Variants in ENTREP2 observed in about 807,000 individuals in gnomAD.
ENTREP2 encodes protein ENTREP2.
the ENTREP2 span, among the ~76,000 whole-genome samples, chr15:29,252,654 T>C: frequency 6.6e-6 from 1 of 152,188 alleles, no homozygotes; most frequent in African/African-American, 2.4e-5. Flanking sequence ...TCCAAATTCA[T>C]ATGATCTGAA....
the ENTREP2 span, among the ~76,000 whole-genome samples, chr15:29,459,079 C>T: frequency 6.6e-6 from 1 of 152,128 alleles, no homozygotes; most frequent in Non-Finnish European, 1.5e-5. Context: ...TGTTCTGCAC[C>T]CACTGACTCT....
the ENTREP2 span, among the ~76,000 whole-genome samples, chr15:29,192,912 A>C: frequency 1.3e-5 from 2 of 152,000 alleles, no homozygotes; most frequent in Non-Finnish European, 2.9e-5. Flanking sequence ...TTCAACAGCC[A>C]TTCGTGGTAT....
the ENTREP2 span, among the ~76,000 whole-genome samples, chr15:29,393,022 CTATT>C: frequency 6.6e-6 from 1 of 152,176 alleles, no homozygotes; most frequent in African/African-American, 2.4e-5. Flanking sequence ...CCAAATGTAA[CTATT>C]TATTTCAAAT....
the ENTREP2 span, among the ~76,000 whole-genome samples, chr15:29,417,027 A>G: frequency 1.3e-5 from 2 of 152,212 alleles, no homozygotes; most frequent in Non-Finnish European, 2.9e-5. Flanking sequence ...AGAAATAGGA[A>G]CACTCTTTCA....
the ENTREP2 span, among the ~76,000 whole-genome samples, chr15:29,659,455 T>C: frequency 6.6e-6 from 1 of 152,036 alleles, no homozygotes; most frequent in African/African-American, 2.4e-5. Flanking sequence ...TAGGAGACAG[T>C]GCGAGACTCC....
chr15:29,268,800 T>G, the ENTREP2 span: 1 of 1,605,864 alleles, frequency 6.2e-7, no homozygotes, highest in South Asian at 1.1e-5. Context: ...TTCAAGAGGA[T>G]GGAGCTGGGC....
At chr15:29,417,263 A>C in the ENTREP2 span, among the ~76,000 whole-genome samples, 4 of 152,232 alleles carry the variant, frequency 2.6e-5, no homozygotes, top group Non-Finnish European at 5.9e-5. Context: ...CAACAATGAT[A>C]GACTGGATTA....
the ENTREP2 span, among the ~76,000 whole-genome samples, chr15:29,174,024 G>A: frequency 6.6e-6 from 1 of 151,288 alleles, no homozygotes; most frequent in Admixed American, 6.6e-5. Context: ...GAAATAGCAG[G>A]CTCTATTTTA....
chr15:29,269,323 T>C, the ENTREP2 span: 7 of 1,614,024 alleles, frequency 4.3e-6, no homozygotes, highest in Middle Eastern at 1.6e-4. Flanking sequence ...GGCGGCCCGT[T>C]TGAAGAGGTC....
the ENTREP2 span, among the ~76,000 whole-genome samples, chr15:29,481,230 C>G: frequency 6.6e-6 from 1 of 152,172 alleles, no homozygotes; most frequent in African/African-American, 2.4e-5. Context: ...ACGGGCACTT[C>G]TCAATTAGAA....
the ENTREP2 span, among the ~76,000 whole-genome samples, chr15:29,423,101 G>C: frequency 3.3e-5 from 5 of 152,130 alleles, no homozygotes; most frequent in African/African-American, 1.2e-4. Context: ...GTGCACATGA[G>C]AATAACACAG....
chr15:29,673,432 G>A, the ENTREP2 span, among the ~76,000 whole-genome samples: 3 of 152,016 alleles, frequency 2.0e-5, no homozygotes, highest in African/African-American at 7.2e-5. Context: ...ACAAAATCAC[G>A]GAAAGTCGAA....
the ENTREP2 span, among the ~76,000 whole-genome samples, chr15:29,354,856 A>G: frequency 2.0e-5 from 3 of 152,158 alleles, no homozygotes; most frequent in Non-Finnish European, 4.4e-5. Flanking sequence ...TTTTCTGTAG[A>G]GCAGTATTTT....
the ENTREP2 span, among the ~76,000 whole-genome samples, chr15:29,551,012 C>G: frequency 4.5e-4 from 69 of 152,138 alleles, 1 homozygote; most frequent in Non-Finnish European, 2.9e-5. Flanking sequence ...TGCCATGTTT[C>G]CTTGGCTACA....
chr15:29,670,648 A>G, the ENTREP2 span, among the ~76,000 whole-genome samples: 1 of 152,124 alleles, frequency 6.6e-6, no homozygotes, highest in Non-Finnish European at 1.5e-5. Flanking sequence ...ACTCTCTTTA[A>G]AGAAAATGAA....
the ENTREP2 span, among the ~76,000 whole-genome samples, chr15:29,448,061 G>A: frequency 1.1e-4 from 16 of 151,924 alleles, no homozygotes; most frequent in South Asian, 1.2e-3. Flanking sequence ...GTGATGGAGC[G>A]AGACTCTCTG....
At chr15:29,356,268 GTATATATA>G in the ENTREP2 span, among the ~76,000 whole-genome samples, 265 of 57,568 alleles carry the variant, frequency 4.6e-3, 5 homozygotes, top group African/African-American at 0.012. Context: ...GTGTGTGTGT[GTATATATA>G]TATATATATA....
At chr15:29,514,310 T>C in the ENTREP2 span, among the ~76,000 whole-genome samples, 1 of 152,212 alleles carries the variant, frequency 6.6e-6, no homozygotes, top group African/African-American at 2.4e-5. Context: ...CATTCAGCAT[T>C]TGTCTTTCTG....
chr15:29,564,817 G>A, the ENTREP2 span, among the ~76,000 whole-genome samples: 1 of 152,178 alleles, frequency 6.6e-6, no homozygotes, highest in Non-Finnish European at 1.5e-5. Context: ...GGGAATAAAG[G>A]AGTGGGGAGA....
Sources: gnomAD v4.1 joint callset for allele counts (sites outside exome capture counted in the v4.1 genomes callset) on GRCh38, gnomAD v4.1.1 for gene constraint, MANE v1.5 for transcripts, NCBI Gene and HGNC (gene_info 2026-07-23, HGNC 2026-07-21) for gene names.